Variants in MCU observed in about 807,000 individuals in gnomAD.
MCU encodes mitochondrial calcium uniporter, also known as calcium uniporter protein, mitochondrial.
In MCU, 12 loss-of-function variants were observed where a neutral mutation model predicts 45.2. The observed-to-expected ratio is 0.27, with a 90% CI of 0.17 to 0.43. MCU has a LOEUF of 0.43. Among genes scored for constraint, MCU ranks in the 20% least tolerant of loss-of-function variants. The probability of loss-of-function intolerance (pLI) is 1.00; values close to 1 mark genes in which losing one functional copy is unlikely to be tolerated. For missense variants in MCU, 324 were observed against 436.7 expected, an observed-to-expected ratio of 0.74 and a Z score of 2.30; for synonymous variants, 160 against 165.1, an observed-to-expected ratio of 0.97 and a Z score of 0.24.
At chr10:72,765,147 A>G (rs1843708063) in intron 1 of MCU, among the ~76,000 whole-genome samples, 1 of 151,786 alleles carries the variant, frequency 6.6e-6, no homozygotes, top group Non-Finnish European at 1.5e-5. Flanking sequence ...TAATGAAAAG[A>G]TTTTTGTGTT....
At chr10:72,792,943 A>G in intron 1 of MCU, among the ~76,000 whole-genome samples, 1 of 151,376 alleles carries the variant, frequency 6.6e-6, no homozygotes, top group Non-Finnish European at 1.5e-5. Context: ...CAGTGGCACG[A>G]TCTTGGCTCA....
intron 1 of MCU, among the ~76,000 whole-genome samples, chr10:72,719,444 A>G (rs1334566860): frequency 6.6e-6 from 1 of 152,230 alleles, no homozygotes; most frequent in Non-Finnish European, 1.5e-5. Flanking sequence ...CAAAACGTTC[A>G]GGTATTCTTT....
rs970569001 is a variant in MCU at position 72,707,357 on chromosome 10, C to G, written c.150+15056C>G. On this transcript the variant is annotated intron_variant, in intron 1 of 7. Transcript: ENST00000373053. The stretch of plus-strand genomic sequence containing the variant: ...GGGATTATAGGTGCGCATCACCATG[C>G]CTGGCTAATTTTTGCATTTTTAATA... 1.9e-4 allele frequency among the ~76,000 whole-genome samples: 29 copies of G among 151,836 alleles called. 1 individual carries two copies. Among genetic ancestry groups the G allele is most frequent in the African/African-American group, 4.3e-4 (18 of 41,408 alleles).
At chr10:72,849,037 T>C (rs1791773874) in intron 2 of MCU, among the ~76,000 whole-genome samples, 1 of 151,812 alleles carries the variant, frequency 6.6e-6, no homozygotes, top group Non-Finnish European at 1.5e-5. Flanking sequence ...TCCCAGCACT[T>C]TGGGAGGCCG....
At chr10:72,702,986 GAA>G (rs111630078) in intron 1 of MCU, among the ~76,000 whole-genome samples, 1 of 80,636 alleles carries the variant, frequency 1.2e-5, no homozygotes. Context: ...CTCAAAAAAA[GAA>G]AAAAAAAAAA....
chr10:72,706,193 A>C (rs1351260087), intron 1 of MCU, among the ~76,000 whole-genome samples: 1 of 150,018 alleles, frequency 6.7e-6, no homozygotes, highest in Non-Finnish European at 1.5e-5. Flanking sequence ...TCCTTTAGGG[A>C]CTATTGAGCA....
chr10:72,858,053 A>T (rs1564576218), intron 2 of MCU, among the ~76,000 whole-genome samples: 1 of 152,182 alleles, frequency 6.6e-6, no homozygotes, highest in Non-Finnish European at 1.5e-5. Flanking sequence ...TATATTTCTC[A>T]TAAAGGTTGC....
At chr10:72,704,231 C>T (rs75449623) in intron 1 of MCU, among the ~76,000 whole-genome samples, 12 of 151,998 alleles carry the variant, frequency 7.9e-5, no homozygotes, top group African/African-American at 2.9e-4. Context: ...AGGACAGTAG[C>T]GTTGTAGATA....
At chr10:72,819,722 C>T (rs1231627430) in intron 1 of MCU, among the ~76,000 whole-genome samples, 1 of 139,466 alleles carries the variant, frequency 7.2e-6, no homozygotes, top group Non-Finnish European at 1.6e-5. Flanking sequence ...TAACATTTTT[C>T]CAGTCTTTTT....
At chr10:72,838,625 C>T (rs920996614) in intron 2 of MCU, among the ~76,000 whole-genome samples, 3 of 151,916 alleles carry the variant, frequency 2.0e-5, no homozygotes, top group African/African-American at 7.3e-5. Context: ...AGAGTCAGAC[C>T]TTGTCTCACA....
chr10:72,790,373 TG>T (rs1248804900), intron 1 of MCU, among the ~76,000 whole-genome samples: 1 of 152,108 alleles, frequency 6.6e-6, no homozygotes, highest in Non-Finnish European at 1.5e-5. Context: ...CACACCCAGT[TG>T]GGGGCTGGGG....
intron 1 of MCU, among the ~76,000 whole-genome samples, chr10:72,793,609 CA>C (rs999887802): frequency 3.9e-5 from 6 of 151,996 alleles, no homozygotes; most frequent in African/African-American, 1.5e-4. Context: ...TGGAATATCT[CA>C]TATGGTCACA....
At position 72,868,705 on chromosome 10, in the gene MCU, C is replaced by T; in HGVS notation, c.499C>T (p.Leu167Phe). 2.5e-6 allele frequency: 4 copies of T among 1,612,526 alleles called. No homozygotes were observed. Among genetic ancestry groups the T allele is most frequent in the Non-Finnish European group, 3.4e-6 (4 of 1,179,540 alleles). ...AAAAAATGTAACTTTTGTTTCAGAC[C>T]TCTTAAGTCATGAAAATGCAGCAAC... ...TYHVRPPKRD[L>F]LSHENAATLN... Residue 167 changes from leucine to phenylalanine, a missense_variant and splice_region_variant, in exon 5 of 8, where the codon CTC becomes TTC. Physicochemically the swap from Leu to Phe is conservative, Grantham distance 22. Around this residue, in one of 4 missense-constraint regions of MCU, gnomAD observed 135 missense variants for 207.3 expected, o/e 0.65. Transcript: ENST00000373053.
At chr10:72,851,927 A>T (rs1049355856) in intron 2 of MCU, among the ~76,000 whole-genome samples, 2 of 152,224 alleles carry the variant, frequency 1.3e-5, no homozygotes, top group Non-Finnish European at 2.9e-5. Context: ...GTTAAAGGAA[A>T]TATGGGGTTG....
rs761924633 is a variant in MCU at position 72,692,175 on chromosome 10, G to T, written c.24G>T (p.Ser8=). 1 of 1,282,828 alleles carries T rather than the reference G, an allele frequency of 7.8e-7. No individual in the cohort carries two copies. Among genetic ancestry groups the T allele is most frequent in the Non-Finnish European group, 9.9e-7 (1 of 1,007,820 alleles). The allele number at this position is 1,282,828 out of a possible 1,614,324, so 79.5% of individuals were successfully genotyped here. Reference sequence around the variant, plus strand: ...AGATGGCGGCCGCCGCAGGTAGATCGCTCCTGCTGCTCCTCTCCTCTCGGG... The same window carrying T: ...AGATGGCGGCCGCCGCAGGTAGATCTCTCCTGCTGCTCCTCTCCTCTCGGG... The part of the protein sequence containing the change: MAAAAGR[S]LLLLLSSRGG... Residue 8 remains serine (S), a synonymous_variant, in exon 1 of 8, where the codon TCG becomes TCT. Coordinates refer to ENST00000373053, the MANE Select transcript of MCU (RefSeq NM_138357.3).
At chr10:72,710,032 G>A (rs1842870271) in intron 1 of MCU, among the ~76,000 whole-genome samples, 1 of 152,208 alleles carries the variant, frequency 6.6e-6, no homozygotes, top group South Asian at 2.1e-4. Context: ...CTGGAGTGCA[G>A]TGGTGCGATC....
intron 1 of MCU, among the ~76,000 whole-genome samples, chr10:72,820,738 C>T (rs1015740910): frequency 1.3e-5 from 2 of 152,156 alleles, no homozygotes; most frequent in African/African-American, 4.8e-5. Flanking sequence ...TCTCGAACTC[C>T]TGACCTCAGG....
intron 1 of MCU, among the ~76,000 whole-genome samples, chr10:72,797,236 T>TC (rs1844263662): frequency 6.6e-6 from 1 of 151,182 alleles, no homozygotes; most frequent in Non-Finnish European, 1.5e-5. Flanking sequence ...ATTTTATTTT[T>TC]TTTTTAAGAC....
intron 1 of MCU, among the ~76,000 whole-genome samples, chr10:72,804,480 C>T (rs781699905): frequency 6.6e-6 from 1 of 152,166 alleles, no homozygotes; most frequent in East Asian, 1.9e-4. Context: ...TGATACACTT[C>T]TATAATACTT....
Sources: gnomAD v4.1 joint callset for allele counts (sites outside exome capture counted in the v4.1 genomes callset) on GRCh38, gnomAD v4.1.1 for gene constraint, gnomAD v4.1.1 regional missense constraint, MANE v1.5 for transcripts, NCBI Gene and HGNC (gene_info 2026-07-23, HGNC 2026-07-21) for gene names.